RGL1: variants seen among roughly 807,000 people sequenced by gnomAD.
RGL1 encodes the protein ral guanine nucleotide dissociation stimulator like 1.
A neutral mutation model predicts 95.2 loss-of-function variants in RGL1; 24 were observed. The ratio of observed to expected loss-of-function variants is 0.25; its 90% CI spans 0.18 to 0.35. The LOEUF (loss-of-function observed/expected upper bound fraction) is 0.35, where lower values mean the gene tolerates loss of function less well. RGL1 is among the 10% of genes least tolerant of loss of function. RGL1 has a pLI of 1.00. For synonymous variants in RGL1, 329 were observed against 344.9 expected (o/e 0.95, Z 0.51); for missense variants, 715 against 936.3 (o/e 0.76, Z 3.08).
At chr1:183,838,694 G>T (rs1442497364) in intron 2 of RGL1, among the ~76,000 whole-genome samples, 2 of 152,296 alleles carry the variant, frequency 1.3e-5, no homozygotes, top group Middle Eastern at 6.8e-3. Flanking sequence ...TAACTGGAAC[G>T]TACACAGAAA....
At chr1:183,924,687 G>A (rs1027310476) in intron 17 of RGL1, among the ~76,000 whole-genome samples, 1 of 151,962 alleles carries the variant, frequency 6.6e-6, no homozygotes, top group Non-Finnish European at 1.5e-5. Flanking sequence ...GCTCACGCCT[G>A]TAATCCCAGC....
intron 7 of RGL1, 142 bp downstream of exon 7, chr1:183,885,080 T>C: frequency 1.4e-6 from 1 of 719,998 alleles, no homozygotes. Context: ...TTGTTGTTCT[T>C]CCAGAGTAAG....
At chr1:183,655,411 T>C (rs1651084264) in intron 1 of RGL1, among the ~76,000 whole-genome samples, 1 of 152,248 alleles carries the variant, frequency 6.6e-6, no homozygotes, top group Admixed American at 6.5e-5. Flanking sequence ...AATTCATCAC[T>C]TTAGTAGCAG....
chr1:183,650,970 T>C (rs1650708465), intron 1 of RGL1, among the ~76,000 whole-genome samples: 1 of 152,208 alleles, frequency 6.6e-6, no homozygotes, highest in Non-Finnish European at 1.5e-5. Context: ...TTTACCTATT[T>C]TTTGCGTGAA....
At chr1:183,748,377 TG>T in intron 2 of RGL1, among the ~76,000 whole-genome samples, 1 of 150,958 alleles carries the variant, frequency 6.6e-6, no homozygotes, top group African/African-American at 2.4e-5. Flanking sequence ...CTTTTGAATT[TG>T]TTTGCTTCTC....
intron 2 of RGL1, among the ~76,000 whole-genome samples, chr1:183,790,241 A>G (rs974799545): frequency 6.6e-6 from 1 of 151,858 alleles, no homozygotes; most frequent in South Asian, 2.1e-4. Flanking sequence ...GGCTTTTTCT[A>G]TCTTGATGCT....
intron 13 of RGL1, among the ~76,000 whole-genome samples, chr1:183,906,180 A>C (rs924874818): frequency 3.3e-5 from 5 of 152,216 alleles, no homozygotes; most frequent in Non-Finnish European, 7.3e-5. Flanking sequence ...ATTCAAACTC[A>C]GGTCTGCCCG....
chr1:183,788,759 A>T (rs1558207610), intron 2 of RGL1, among the ~76,000 whole-genome samples: 1 of 152,252 alleles, frequency 6.6e-6, no homozygotes, highest in African/African-American at 2.4e-5. Flanking sequence ...ATTAGTGCTC[A>T]AGAAGAGAAG....
intron 1 of RGL1, among the ~76,000 whole-genome samples, chr1:183,738,816 GC>G (rs1189783913): frequency 6.6e-5 from 10 of 152,226 alleles, no homozygotes; most frequent in Admixed American, 3.3e-4. Flanking sequence ...CAGGAGAATT[GC>G]ATGAACCCGG....
intron 1 of RGL1, among the ~76,000 whole-genome samples, chr1:183,675,087 A>C (rs1652726923): frequency 6.6e-6 from 1 of 152,190 alleles, no homozygotes; most frequent in South Asian, 2.1e-4. Context: ...ATGATCCAAA[A>C]GGAAACCATC....
chr1:183,779,383 G>A (rs985305522), intron 2 of RGL1, among the ~76,000 whole-genome samples: 2 of 151,880 alleles, frequency 1.3e-5, no homozygotes, highest in African/African-American at 4.8e-5. Flanking sequence ...TTAGTAGCTG[G>A]GATTTCAGGC....
Position 183,928,296 on chromosome 1 carries a change from A to T in RGL1, c.*2004A>T, listed in dbSNP as rs1300032162. The stretch of plus-strand genomic sequence containing the variant: ...TCTAGATTTATATACTGCAATGTAA[A>T]ATATATATATATTTACCTTTTTTAA... On this transcript the variant is annotated 3_prime_UTR_variant, in exon 18 of 18. Transcript: ENST00000360851. 6.6e-6 allele frequency: 1 copy of T among 152,262 alleles called. No individual in the cohort carries two copies. The highest frequency in any genetic ancestry group is 1.5e-5 in the Non-Finnish European group (1 of 67,968). 9.4% of individuals were successfully genotyped at this position (152,262 alleles called of 1,614,324 possible).
intron 1 of RGL1, among the ~76,000 whole-genome samples, chr1:183,706,366 A>G (rs189917505): frequency 7.4e-4 from 112 of 152,288 alleles, no homozygotes; most frequent in African/African-American, 2.6e-3. Flanking sequence ...TTGCCCTGGT[A>G]TTAATTAAAA....
chr1:183,890,654 A>C (rs971734434), intron 8 of RGL1, among the ~76,000 whole-genome samples: 1 of 152,182 alleles, frequency 6.6e-6, no homozygotes, highest in Non-Finnish European at 1.5e-5. Flanking sequence ...GTACTGATAC[A>C]TGGTGTAACA....
chr1:183,892,180 CTGCTGTGTAG>C lies in RGL1; in HGVS notation c.1140+26_1140+35del, dbSNP rs1404408330. The C allele has an allele frequency of 6.4e-7, 1 of 1,562,506 alleles. No homozygotes were observed. The highest frequency in any genetic ancestry group is 8.8e-7 in the Non-Finnish European group (1 of 1,134,114). ...GATGAAGGTGAGGCTCTTAGTGAGG[CTGCTGTGTAG>C]TGCTGTTAATAGCTCTGGAATCCAT... On this transcript the variant is annotated intron_variant, in intron 9 of 17. Transcript: ENST00000360851.
At chr1:183,798,558 TTAACA>T (rs1031324670) in intron 2 of RGL1, among the ~76,000 whole-genome samples, 1 of 151,978 alleles carries the variant, frequency 6.6e-6, no homozygotes, top group Non-Finnish European at 1.5e-5. Flanking sequence ...TGAAGATCAC[TTAACA>T]TAAGATCTAC....
chr1:183,695,658 A>C (rs1654208521), intron 1 of RGL1, among the ~76,000 whole-genome samples: 1 of 152,252 alleles, frequency 6.6e-6, no homozygotes, highest in Non-Finnish European at 1.5e-5. Context: ...AATATTCTGC[A>C]AATGAAACTT....
intron 13 of RGL1, among the ~76,000 whole-genome samples, chr1:183,906,420 A>T (rs1450982347): frequency 2.0e-5 from 3 of 152,116 alleles, no homozygotes; most frequent in Admixed American, 2.0e-4. Flanking sequence ...AATTTAAAAA[A>T]GTATTTGTAG....
chr1:183,670,753 G>A (rs1243623676), intron 1 of RGL1, among the ~76,000 whole-genome samples: 1 of 152,190 alleles, frequency 6.6e-6, no homozygotes, highest in African/African-American at 2.4e-5. Flanking sequence ...CGTGATGTTA[G>A]GATGGAGTAG....
Sources: gnomAD v4.1 joint callset for allele counts (sites outside exome capture counted in the v4.1 genomes callset) on GRCh38, gnomAD v4.1.1 for gene constraint, MANE v1.5 for transcripts, NCBI Gene and HGNC (gene_info 2026-07-23, HGNC 2026-07-21) for gene names.